Variants in SPATA17 observed in about 807,000 individuals in gnomAD.
The protein encoded by SPATA17 is spermatogenesis-associated protein 17.
In SPATA17, 53 loss-of-function variants were observed where a neutral mutation model predicts 62.2. The ratio of observed to expected loss-of-function variants is 0.85; its 90% confidence interval spans 0.68 to 1.07. SPATA17 has a LOEUF of 1.07. Ranked by LOEUF, SPATA17 falls within the 50% of genes least tolerant of loss-of-function variation. The pLI, the probability that SPATA17 is intolerant of heterozygous loss-of-function variation, is 0.00. For missense variants in SPATA17, 466 were observed against 425.5 expected (o/e 1.10, Z -0.84); for synonymous variants, 146 against 146.8 (o/e 0.99, Z 0.04).
At chr1:217,842,033 T>C (rs1675417300) in intron 9 of SPATA17, among the ~76,000 whole-genome samples, 3 of 151,946 alleles carry the variant, frequency 2.0e-5, no homozygotes, top group African/African-American at 7.2e-5. Context: ...ATTTTTAAAA[T>C]CATAAGTAGG....
At chr1:217,664,923 G>C (rs117941714) in intron 3 of SPATA17, among the ~76,000 whole-genome samples, 2 of 152,038 alleles carry the variant, frequency 1.3e-5, no homozygotes, top group East Asian at 3.9e-4. Context: ...ATAGGATTTG[G>C]ACAGCTAAAA....
chr1:217,796,267 T>C (rs1322797077), intron 8 of SPATA17, among the ~76,000 whole-genome samples: 2 of 152,162 alleles, frequency 1.3e-5, no homozygotes, highest in Non-Finnish European at 2.9e-5. Context: ...TTTTTAAAAA[T>C]ATTTTTCACA....
intron 8 of SPATA17, among the ~76,000 whole-genome samples, 189 bp downstream of exon 8, chr1:217,782,511 A>T (rs1571802589): frequency 6.6e-6 from 1 of 151,950 alleles, no homozygotes; most frequent in East Asian, 1.9e-4. Flanking sequence ...GATGGCAAAA[A>T]CTCTTTTGAC....
chr1:217,774,049 G>T (rs1442712487), intron 6 of SPATA17, among the ~76,000 whole-genome samples: 1 of 152,238 alleles, frequency 6.6e-6, no homozygotes, highest in South Asian at 2.1e-4. Flanking sequence ...CTTAAGTATA[G>T]TGATGTAAAA....
intron 9 of SPATA17, among the ~76,000 whole-genome samples, chr1:217,859,457 G>A (rs912293424): frequency 1.3e-5 from 2 of 151,838 alleles, no homozygotes; most frequent in Non-Finnish European, 2.9e-5. Context: ...ATCCATCCTG[G>A]AGTGCAGTGG....
At chr1:217,643,732 AT>A (rs199500326) in intron 1 of SPATA17, among the ~76,000 whole-genome samples, 8,362 of 147,800 alleles carry the variant, frequency 0.057, 290 homozygotes, top group Middle Eastern at 0.1. Flanking sequence ...ATATATATAT[AT>A]AATTTTTTTT....
rs1049461881 is a variant in SPATA17 at position 217,648,969 on chromosome 1, C to G, written c.156C>G (p.Ile52Met). ...GAGGATGTCAAGTTCGGGCATATATCAGGTATATTGCTTTTGTCATGGAAA... is the reference window on the plus strand; with the variant it reads ...GAGGATGTCAAGTTCGGGCATATATGAGGTATATTGCTTTTGTCATGGAAA... Reference protein sequence around the residue: ...WFRGCQVRAYIRHLNRIVTII... With the variant: ...WFRGCQVRAYMRHLNRIVTII... The change falls in exon 2 of 11, where the codon ATC becomes ATG. Residue 52 changes from isoleucine (I) to methionine (M), a missense_variant and splice_region_variant. By Grantham distance (10) the Ile-to-Met change is conservative. Transcript: ENST00000366933. 3.7e-6 allele frequency: 6 copies of G among 1,604,242 alleles called. No homozygotes were observed. The highest frequency in any genetic ancestry group is 1.7e-5 in the Admixed American group (1 of 58,368).
chr1:217,632,203 TAAATA>T (rs1214671032), intron 1 of SPATA17, among the ~76,000 whole-genome samples: 6 of 150,252 alleles, frequency 4.0e-5, no homozygotes, highest in African/African-American at 1.0e-4. Flanking sequence ...TAAATAAATA[TAAATA>T]AAATAAAATA....
At chr1:217,662,846 T>G (rs951236281) in intron 3 of SPATA17, among the ~76,000 whole-genome samples, 1 of 152,164 alleles carries the variant, frequency 6.6e-6, no homozygotes, top group African/African-American at 2.4e-5. Flanking sequence ...TTTTGATATT[T>G]TTCTTTATAG....
intron 5 of SPATA17, among the ~76,000 whole-genome samples, chr1:217,720,977 A>G (rs933842895): frequency 6.6e-6 from 1 of 152,190 alleles, no homozygotes; most frequent in African/African-American, 2.4e-5. Flanking sequence ...CTAGAAAGAC[A>G]TATATATCCA....
At chr1:217,789,382 G>A (rs1673944954) in intron 8 of SPATA17, among the ~76,000 whole-genome samples, 2 of 152,106 alleles carry the variant, frequency 1.3e-5, no homozygotes, top group Non-Finnish European at 2.9e-5. Context: ...GTAAATATTG[G>A]ATTTGGTAAT....
At chr1:217,650,950 T>C in intron 2 of SPATA17, 147 bp from the exon 3 acceptor site, 1 of 594,638 alleles carries the variant, frequency 1.7e-6, no homozygotes, top group Non-Finnish European at 3.0e-6. Flanking sequence ...ATTAATTCTA[T>C]CCCACAATAA....
intron 5 of SPATA17, among the ~76,000 whole-genome samples, chr1:217,708,790 A>C (rs1671794486): frequency 6.6e-6 from 1 of 152,170 alleles, no homozygotes; most frequent in African/African-American, 2.4e-5. Context: ...CCAACAAAAT[A>C]ATAGCAAACC....
At chr1:217,656,475 T>C (rs1670443662) in intron 3 of SPATA17, among the ~76,000 whole-genome samples, 1 of 152,182 alleles carries the variant, frequency 6.6e-6, no homozygotes, top group African/African-American at 2.4e-5. Context: ...ATGAAGCTTT[T>C]CCTCGTTTAG....
At chr1:217,739,933 CTAAG>C (rs1301251294) in intron 5 of SPATA17, among the ~76,000 whole-genome samples, 3 of 151,932 alleles carry the variant, frequency 2.0e-5, no homozygotes, top group Admixed American at 6.6e-5. Context: ...TGAGTGTTTC[CTAAG>C]TGTTTTCTTT....
chr1:217,664,399 C>T (rs1188344967), intron 3 of SPATA17, among the ~76,000 whole-genome samples: 1 of 150,992 alleles, frequency 6.6e-6, no homozygotes. Context: ...AAGCAATTCT[C>T]CTGTCTCAGC....
rs186254428 is a variant in SPATA17 at position 217,721,609 on chromosome 1, G to A, written c.396-20366G>A. Among the ~76,000 whole-genome samples the A allele has an allele frequency of 2.8e-3, 420 of 152,240 alleles. 3 individuals carry two copies. The highest frequency in any genetic ancestry group is 3.8e-3 in the Non-Finnish European group (256 of 68,020). On this transcript the variant is annotated intron_variant, in intron 5 of 10. Transcript: ENST00000366933. ...ACCCTGCAGACTTTGATTCAAGGTT[G>A]TTTATATTTTTGCCATAGCCGTTCT...
At chr1:217,650,994 C>A in intron 2 of SPATA17, 103 bp from the exon 3 acceptor site, 1 of 834,822 alleles carries the variant, frequency 1.2e-6, no homozygotes, top group Non-Finnish European at 1.9e-6. Context: ...ATAAACTTGG[C>A]TTTGAATTTG....
chr1:217,824,860 A>T (rs1674951556), intron 9 of SPATA17, among the ~76,000 whole-genome samples: 1 of 150,498 alleles, frequency 6.6e-6, no homozygotes, highest in Admixed American at 6.6e-5. Flanking sequence ...TTTGGAAAAC[A>T]GATATGAAAC....
Sources: allele counts gnomAD v4.1 joint callset (sites outside exome capture counted in the v4.1 genomes callset), GRCh38; gene constraint gnomAD v4.1.1; transcripts MANE v1.5; gene names NCBI Gene and HGNC (gene_info 2026-07-23, HGNC 2026-07-21).